NOX4: variants seen among roughly 807,000 people sequenced by gnomAD.
NOX4 encodes NADPH oxidase 4, also known as kidney oxidase-1.
A neutral mutation model predicts 87.6 loss-of-function variants in NOX4; 69 were observed. The ratio of observed to expected loss-of-function variants is 0.79; its 90% CI spans 0.65 to 0.96. NOX4 has a LOEUF of 0.96. NOX4 is among the 40% of genes least tolerant of loss of function. The pLI, the probability that NOX4 is intolerant of heterozygous loss-of-function variation, is 0.00. For missense variants in NOX4, 680 were observed against 681.5 expected (o/e 1.00, Z 0.02); for synonymous variants, 275 against 238.2 (o/e 1.15, Z -1.42).
chr11:89,586,360 G>A, the NOX4 span, among the ~76,000 whole-genome samples: 2 of 152,148 alleles, frequency 1.3e-5, no homozygotes, highest in African/African-American at 4.8e-5. Flanking sequence ...TATAATGTTA[G>A]TTCTCACAAC....
chr11:89,522,044 T>G, the NOX4 span, among the ~76,000 whole-genome samples: 2 of 152,232 alleles, frequency 1.3e-5, no homozygotes, highest in Admixed American at 1.3e-4. Flanking sequence ...GGCAAGGCTG[T>G]CAAGAAAAGG....
At chr11:89,460,783 T>G (rs1453639505) in intron 2 of NOX4, among the ~76,000 whole-genome samples, 1 of 152,134 alleles carries the variant, frequency 6.6e-6, no homozygotes, top group Non-Finnish European at 1.5e-5. Flanking sequence ...AGAAATACCA[T>G]TTGACCCAGC....
chr11:89,409,536 G>C (rs1040466886), intron 8 of NOX4, among the ~76,000 whole-genome samples: 1 of 152,036 alleles, frequency 6.6e-6, no homozygotes, highest in Non-Finnish European at 1.5e-5. Flanking sequence ...ATCGTTAATG[G>C]GGTAAATATC....
At chr11:89,392,530 A>T (rs1314930120) in intron 11 of NOX4, among the ~76,000 whole-genome samples, 2 of 152,212 alleles carry the variant, frequency 1.3e-5, no homozygotes, top group Non-Finnish European at 2.9e-5. Context: ...TTATTTCCAC[A>T]CTTCGAGATT....
upstream of NOX4, among the ~76,000 whole-genome samples, chr11:89,500,672 G>A (rs1947007198): frequency 6.6e-6 from 1 of 152,034 alleles, no homozygotes. Context: ...CTGGAAATAT[G>A]CTTTAAGCAT....
At chr11:89,438,887 A>C (rs1356304957) in intron 6 of NOX4, among the ~76,000 whole-genome samples, 5 of 19,076 alleles carry the variant, frequency 2.6e-4, no homozygotes, top group African/African-American at 5.2e-4. Context: ...TATATAATAT[A>C]TTATATATTA....
intron 8 of NOX4, among the ~76,000 whole-genome samples, chr11:89,404,402 T>C (rs2135195893): frequency 6.6e-6 from 1 of 152,210 alleles, no homozygotes; most frequent in African/African-American, 2.4e-5. Flanking sequence ...CAAATCCGCC[T>C]CCTAACACTC....
At chr11:89,367,630 CT>C (rs1308992853) in intron 12 of NOX4, among the ~76,000 whole-genome samples, 1 of 152,038 alleles carries the variant, frequency 6.6e-6, no homozygotes, top group Non-Finnish European at 1.5e-5. Context: ...ACTAAAAAAT[CT>C]TTAATGTGAT....
At chr11:89,457,064 A>G (rs549843545) in intron 2 of NOX4, among the ~76,000 whole-genome samples, 1 of 152,230 alleles carries the variant, frequency 6.6e-6, no homozygotes, top group East Asian at 1.9e-4. Flanking sequence ...TCACTGGAAG[A>G]CTGTGTCTGT....
At chr11:89,356,024 T>C (rs1236800792) in intron 12 of NOX4, among the ~76,000 whole-genome samples, 1 of 152,102 alleles carries the variant, frequency 6.6e-6, no homozygotes, top group Non-Finnish European at 1.5e-5. Context: ...CATATTAATA[T>C]AATGTTGAGT....
intron 2 of NOX4, among the ~76,000 whole-genome samples, chr11:89,460,793 C>T (rs972172743): frequency 6.6e-6 from 1 of 152,162 alleles, no homozygotes; most frequent in Non-Finnish European, 1.5e-5. Flanking sequence ...TTTGACCCAG[C>T]AATCCCATTA....
chr11:89,383,690 T>C (rs112074628), intron 11 of NOX4, among the ~76,000 whole-genome samples: 2 of 152,114 alleles, frequency 1.3e-5, no homozygotes, highest in African/African-American at 4.8e-5. Context: ...TGGACAACAT[T>C]CTTTTATGCA....
At chr11:89,335,160 T>C (rs955756916) in intron 17 of NOX4, among the ~76,000 whole-genome samples, 2 of 151,762 alleles carry the variant, frequency 1.3e-5, no homozygotes, top group Non-Finnish European at 3.0e-5. Context: ...AGTGGTTATA[T>C]AGTTTTCAAA....
rs1946041986 is a variant in NOX4, at chr11:89,342,326, T to C, written c.1218-133A>G. The stretch of plus-strand genomic sequence containing the variant: ...TCAGGCCTTATTTCATGGTTTCTCA[T>C]AGTGATTAGCCTAAAGGAGTAGCAA... On this transcript the variant is annotated intron_variant, in intron 13 of 17. Transcript: ENST00000263317. 4 of 691,290 alleles carry C rather than the reference T, an allele frequency of 5.8e-6. No individual in the cohort carries two copies. The South Asian group carries it at 6.0e-5, about 10-fold the overall frequency. 42.8% of individuals were successfully genotyped at this position (691,290 alleles called of 1,614,324 possible).
At chr11:89,577,711 C>T in the NOX4 span, 7 of 152,102 alleles carry the variant, frequency 4.6e-5, no homozygotes, top group African/African-American at 1.4e-4. Flanking sequence ...CTTCTCTAGA[C>T]GTCACCAGCT....
At chr11:89,490,426 T>C (rs777289596) in intron 2 of NOX4, 32 bp downstream of exon 2, 2 of 1,444,996 alleles carry the variant, frequency 1.4e-6, no homozygotes, top group Admixed American at 1.7e-5. Context: ...TTAAACCCAT[T>C]CCACCAGATT....
intron 17 of NOX4, among the ~76,000 whole-genome samples, chr11:89,330,515 A>G (rs536809175): frequency 6.6e-6 from 1 of 151,844 alleles, no homozygotes; most frequent in African/African-American, 2.4e-5. Flanking sequence ...CTAGTTTCTG[A>G]TTTGGCAGAT....
At chr11:89,449,385 T>C in intron 4 of NOX4, 55 bp downstream of exon 4, 1 of 1,321,084 alleles carries the variant, frequency 7.6e-7, no homozygotes, top group Non-Finnish European at 1.1e-6. Context: ...TCTGGAATGT[T>C]TACATTTAAA....
the NOX4 span, among the ~76,000 whole-genome samples, chr11:89,569,926 T>A: frequency 6.8e-6 from 1 of 146,954 alleles, no homozygotes; most frequent in Admixed American, 7.0e-5. Flanking sequence ...GGCACGAACC[T>A]GGGAGGCGGA....
Sources: gnomAD v4.1 joint callset for allele counts (sites outside exome capture counted in the v4.1 genomes callset) on GRCh38, gnomAD v4.1.1 for gene constraint, MANE v1.5 for transcripts, NCBI Gene and HGNC (gene_info 2026-07-23, HGNC 2026-07-21) for gene names.